Variants in DRGX observed in about 807,000 individuals in gnomAD.
DRGX encodes the protein dorsal root ganglia homeobox protein.
In DRGX, 21 loss-of-function variants were observed where a neutral mutation model predicts 28.6. That is an observed-to-expected ratio of 0.73 (90% CI 0.52 to 1.06). The LOEUF (loss-of-function observed/expected upper bound fraction) is 1.06, where lower values mean the gene tolerates loss of function less well. DRGX is among the 50% of genes least tolerant of loss of function. The pLI, the probability that DRGX is intolerant of heterozygous loss-of-function variation, is 0.00. For synonymous variants in DRGX, 136 were observed against 139.1 expected (o/e 0.98, Z 0.16); for missense variants, 354 against 343.9 (o/e 1.03, Z -0.23).
chr10:49,395,122 C>A (rs1222547040), intron 2 of DRGX, among the ~76,000 whole-genome samples: 2 of 152,234 alleles, frequency 1.3e-5, no homozygotes, highest in Non-Finnish European at 2.9e-5. Flanking sequence ...GGCGTGACAC[C>A]AGCATCTGTG....
chr10:49,384,118 C>A (rs1464476443), intron 6 of DRGX, among the ~76,000 whole-genome samples: 1 of 152,250 alleles, frequency 6.6e-6, no homozygotes, highest in Non-Finnish European at 1.5e-5. Context: ...CCTTGCTTAG[C>A]TGCTTCTGGT....
chr10:49,375,466 A>T (rs1019706748), intron 6 of DRGX, among the ~76,000 whole-genome samples: 1 of 152,250 alleles, frequency 6.6e-6, no homozygotes, highest in African/African-American at 2.4e-5. Flanking sequence ...CCATGGAAAG[A>T]AAAACTGTAT....
chr10:49,365,882 G>A lies in DRGX; in HGVS notation c.*234C>T, dbSNP rs1367010876. 1 of 400,190 alleles carries A rather than the reference G, an allele frequency of 2.5e-6. No individual in the cohort carries two copies. The highest frequency in any genetic ancestry group is 3.8e-5 in the East Asian group (1 of 26,470). 24.8% of individuals were successfully genotyped at this position (400,190 alleles called of 1,614,324 possible). ...ACAGAGAGGGCTCTGCTGCCACCAAGTGCCATCGGGATCTGTTGCCAAAGA... is the reference window on the plus strand; with the variant it reads ...ACAGAGAGGGCTCTGCTGCCACCAAATGCCATCGGGATCTGTTGCCAAAGA... On this transcript the variant is annotated 3_prime_UTR_variant, in exon 7 of 7. Coordinates refer to ENST00000374139, the MANE Select transcript of DRGX (RefSeq NM_001276451.2).
At position 49,386,702 on chromosome 10, in the gene DRGX, C is replaced by T. The variant is rs369269542; in HGVS notation, c.391G>A (p.Glu131Lys). 6.3e-7 allele frequency: 1 copy of T among 1,585,040 alleles called. No homozygotes were observed. The highest frequency in any genetic ancestry group is 1.7e-4 in the Middle Eastern group (1 of 5,896). ...CACCTCTGCTGGGCCTCCAGCGCCTCCTTCTTACTCCGGGCTTGGTCCCCA... is the reference window on the plus strand; with the variant it reads ...CACCTCTGCTGGGCCTCCAGCGCCTTCTTCTTACTCCGGGCTTGGTCCCCA... Reference protein sequence around the residue: ...PPGDQARSKKEALEAQQSLGR... With the variant: ...PPGDQARSKKKALEAQQSLGR... Residue 131 changes from glutamate (E) to lysine (K), a missense_variant, in exon 5 of 7, where the codon GAG (glutamate) becomes AAG (lysine). Coordinates refer to ENST00000374139, the MANE Select transcript of DRGX (RefSeq NM_001276451.2).
At chr10:49,375,069 C>T (rs7088781) in intron 6 of DRGX, among the ~76,000 whole-genome samples, 19,298 of 152,238 alleles carry the variant, frequency 0.13, 1,425 homozygotes, top group African/African-American at 0.21. Context: ...TTTAAGCATA[C>T]TTTTAGCTGC....
intron 6 of DRGX, among the ~76,000 whole-genome samples, chr10:49,381,423 C>A (rs1468719467): frequency 6.6e-6 from 1 of 152,244 alleles, no homozygotes; most frequent in East Asian, 1.9e-4. Context: ...CCCGAGCAGC[C>A]CTGCTGACCT....
intron 2 of DRGX, among the ~76,000 whole-genome samples, chr10:49,395,155 C>A (rs935977306): frequency 6.6e-6 from 1 of 152,224 alleles, no homozygotes; most frequent in African/African-American, 2.4e-5. Flanking sequence ...GGCCGGTCCC[C>A]GCGGCACGCC....
At chr10:49,369,773 GAT>G (rs544101047) in intron 6 of DRGX, among the ~76,000 whole-genome samples, 4,535 of 150,082 alleles carry the variant, frequency 0.03, 180 homozygotes, top group African/African-American at 0.091. Context: ...AAGAAAATAA[GAT>G]TTTTTTTTTT....
chr10:49,375,276 C>A (rs531341740), intron 6 of DRGX, among the ~76,000 whole-genome samples: 12 of 152,304 alleles, frequency 7.9e-5, no homozygotes, highest in African/African-American at 2.9e-4. Context: ...ATGTGCCTCC[C>A]AGATCCAATC....
intron 6 of DRGX, among the ~76,000 whole-genome samples, chr10:49,382,493 C>T (rs1326117684): frequency 1.3e-5 from 2 of 152,186 alleles, no homozygotes; most frequent in Non-Finnish European, 2.9e-5. Flanking sequence ...ATGAGGGAGG[C>T]TATGTCATAG....
Position 49,364,922 on chromosome 10 carries a change from G to A in DRGX, c.*1194C>T, listed in dbSNP as rs17009953. 0.094 allele frequency: 14,275 copies of A among 152,182 alleles called. 685 individuals are homozygous for A. Among genetic ancestry groups the A allele is most frequent in the Middle Eastern group, 0.14 (41 of 294 alleles). The allele number at this position is 152,182 out of a possible 1,614,324, so 9.4% of individuals were successfully genotyped here. On this transcript the variant is annotated 3_prime_UTR_variant, in exon 7 of 7. Transcript: ENST00000374139. ...GACTGCAACCTTTCCCATGCCGGGC[G>A]CCCCTGCCAGAAAGCGGCAGAGCTT...
At chr10:49,395,364 G>C in intron 2 of DRGX, 43 bp downstream of exon 2, 2 of 1,548,410 alleles carry the variant, frequency 1.3e-6, no homozygotes, top group South Asian at 1.2e-5. Flanking sequence ...CTTTCTGGCC[G>C]GCTCTGGCTT....
intron 2 of DRGX, among the ~76,000 whole-genome samples, chr10:49,393,684 T>C (rs146359341): frequency 1.3e-5 from 2 of 152,332 alleles, no homozygotes; most frequent in East Asian, 1.9e-4. Context: ...AACACTAAAC[T>C]AAACTAAATT....
intron 2 of DRGX, among the ~76,000 whole-genome samples, chr10:49,392,796 A>G (rs1279833469): frequency 2.6e-5 from 4 of 152,254 alleles, no homozygotes; most frequent in Admixed American, 2.6e-4. Context: ...TCTTTTACTT[A>G]AAAATAAGTA....
chr10:49,367,320 A>G (rs1849611761), intron 6 of DRGX, among the ~76,000 whole-genome samples: 1 of 152,190 alleles, frequency 6.6e-6, no homozygotes, highest in South Asian at 2.1e-4. Context: ...CCATGATTGC[A>G]TCACTGCACT....
intron 6 of DRGX, among the ~76,000 whole-genome samples, chr10:49,379,766 T>C (rs1849754471): frequency 6.6e-6 from 1 of 152,238 alleles, no homozygotes; most frequent in Non-Finnish European, 1.5e-5. Context: ...GGACTGTGGC[T>C]CAATTGCTCA....
chr10:49,385,558 A>G (rs1849822885), intron 6 of DRGX, among the ~76,000 whole-genome samples: 1 of 152,000 alleles, frequency 6.6e-6, no homozygotes, highest in Admixed American at 6.5e-5. Flanking sequence ...CACCTTTGCA[A>G]CACAGATTGC....
At chr10:49,373,745 CG>C (rs1052179580) in intron 6 of DRGX, among the ~76,000 whole-genome samples, 7 of 152,222 alleles carry the variant, frequency 4.6e-5, no homozygotes, top group African/African-American at 1.4e-4. Flanking sequence ...TATAAGTCCC[CG>C]GGTTTACGGT....
At chr10:49,377,539 G>A (rs1849729169) in intron 6 of DRGX, among the ~76,000 whole-genome samples, 1 of 152,198 alleles carries the variant, frequency 6.6e-6, no homozygotes, top group African/African-American at 2.4e-5. Flanking sequence ...CCCATTCTGG[G>A]TGTGACCCTT....
Sources: gnomAD v4.1 joint callset for allele counts (sites outside exome capture counted in the v4.1 genomes callset) on GRCh38, gnomAD v4.1.1 for gene constraint, MANE v1.5 for transcripts, NCBI Gene and HGNC (gene_info 2026-07-23, HGNC 2026-07-21) for gene names.